The following ARHGAP10 variants were observed in gnomAD, a reference collection of about 807,000 sequenced individuals.
ARHGAP10 encodes the protein Rho GTPase activating protein 10.
A neutral mutation model predicts 108.6 loss-of-function variants in ARHGAP10; 87 were observed. The ratio of observed to expected loss-of-function variants is 0.80; its 90% CI spans 0.67 to 0.96. ARHGAP10 has a LOEUF of 0.96. ARHGAP10 is among the 40% of genes least tolerant of loss of function. ARHGAP10 has a pLI of 0.00. For missense variants in ARHGAP10, 939 were observed against 954.5 expected, an observed-to-expected ratio of 0.98 and a Z score of 0.21; for synonymous variants, 347 against 341.1, an observed-to-expected ratio of 1.02 and a Z score of -0.19.
chr4:148,043,653 T>TATATATATATATATA (rs1728741025), intron 19 of ARHGAP10, among the ~76,000 whole-genome samples: 2 of 58,372 alleles, frequency 3.4e-5, no homozygotes, highest in African/African-American at 5.3e-5. Context: ...ATATATATAT[T>TATATATATATATATA]TTAGGTGTAT....
intron 3 of ARHGAP10, among the ~76,000 whole-genome samples, chr4:147,835,865 C>T (rs151119279): frequency 6.6e-5 from 10 of 152,256 alleles, no homozygotes; most frequent in African/African-American, 2.4e-4. Context: ...TAATAATATT[C>T]TTCCCAAGTA....
intron 1 of ARHGAP10, among the ~76,000 whole-genome samples, chr4:147,817,652 A>G (rs572100444): frequency 1.3e-5 from 2 of 152,282 alleles, no homozygotes; most frequent in Middle Eastern, 3.4e-3. Context: ...TGTCTCTCCT[A>G]TTTGCCTGTG....
chr4:147,890,454 A>G (rs1306860217), intron 10 of ARHGAP10, among the ~76,000 whole-genome samples: 6 of 152,262 alleles, frequency 3.9e-5, no homozygotes, highest in Non-Finnish European at 8.8e-5. Context: ...ATAAAGAACC[A>G]TTGTAACTCA....
intron 18 of ARHGAP10, among the ~76,000 whole-genome samples, chr4:147,997,978 C>G (rs1740544569): frequency 6.6e-6 from 1 of 151,992 alleles, no homozygotes; most frequent in African/African-American, 2.4e-5. Context: ...ATTACAAAAA[C>G]AAGCATATCA....
chr4:147,907,549 G>A (rs1018385928), intron 11 of ARHGAP10, among the ~76,000 whole-genome samples: 6 of 152,218 alleles, frequency 3.9e-5, no homozygotes, highest in African/African-American at 1.4e-4. Context: ...ATCATGTAGA[G>A]CAGAAACAGG....
At chr4:147,912,568 TATATATATATATA>T (rs1366562290) in intron 12 of ARHGAP10, among the ~76,000 whole-genome samples, 2 of 104,320 alleles carry the variant, frequency 1.9e-5, no homozygotes, top group Non-Finnish European at 3.3e-5. Context: ...TATATATATA[TATATATATATATA>T]TATATATATA....
At chr4:148,035,127 T>A (rs1180136423) in intron 19 of ARHGAP10, among the ~76,000 whole-genome samples, 1 of 152,220 alleles carries the variant, frequency 6.6e-6, no homozygotes. Flanking sequence ...ATGGGGTCTT[T>A]ATTTTTTGTC....
At position 147,779,443 on chromosome 4, in the gene ARHGAP10, A is replaced by G. The variant is rs146989372; in HGVS notation, c.155-43284A>G. Among the ~76,000 whole-genome samples the G allele has an allele frequency of 1.8e-4, 28 of 152,182 alleles. No individual in the cohort carries two copies. The East Asian group carries it at 4.8e-3, about 26-fold the overall frequency. On this transcript the variant is annotated intron_variant, in intron 1 of 22. Coordinates refer to ENST00000336498, the MANE Select transcript of ARHGAP10 (RefSeq NM_024605.4). ...GAGAATATTATTGGCATCTCCTTTC[A>G]GTTAATTTGGTAGATGGGGAAGGGT...
intron 8 of ARHGAP10, among the ~76,000 whole-genome samples, chr4:147,876,848 A>G (rs1383098210): frequency 6.6e-6 from 1 of 152,156 alleles, no homozygotes; most frequent in Non-Finnish European, 1.5e-5. Context: ...CAGCCCTATG[A>G]AGTATAAGGT....
At chr4:147,827,751 G>T (rs113701023) in intron 3 of ARHGAP10, among the ~76,000 whole-genome samples, 1 of 152,124 alleles carries the variant, frequency 6.6e-6, no homozygotes, top group Non-Finnish European at 1.5e-5. Context: ...ACTGTAAAAT[G>T]GAGGTAGAAA....
chr4:147,779,626 G>A (rs959423440), intron 1 of ARHGAP10, among the ~76,000 whole-genome samples: 2 of 152,134 alleles, frequency 1.3e-5, no homozygotes, highest in African/African-American at 4.8e-5. Flanking sequence ...CCTTCAGTTT[G>A]GGAGTCTGGG....
At chr4:147,852,135 C>A (rs1345171169) in intron 4 of ARHGAP10, among the ~76,000 whole-genome samples, 1 of 152,204 alleles carries the variant, frequency 6.6e-6, no homozygotes, top group African/African-American at 2.4e-5. Context: ...TGCTCCCCAT[C>A]ACCTTGCCAA....
intron 10 of ARHGAP10, among the ~76,000 whole-genome samples, chr4:147,890,009 C>T (rs552400329): frequency 3.9e-4 from 60 of 152,304 alleles, no homozygotes; most frequent in African/African-American, 1.4e-3. Flanking sequence ...ACCTGAGGCA[C>T]GAGACAGCAT....
At chr4:148,028,704 T>G (rs1037821109) in intron 19 of ARHGAP10, among the ~76,000 whole-genome samples, 1 of 152,214 alleles carries the variant, frequency 6.6e-6, no homozygotes, top group African/African-American at 2.4e-5. Context: ...AATCTGCCAG[T>G]AGAAATCTGA....
At chr4:148,046,394 G>T (rs1044822546) in intron 19 of ARHGAP10, among the ~76,000 whole-genome samples, 1 of 152,200 alleles carries the variant, frequency 6.6e-6, no homozygotes, top group Non-Finnish European at 1.5e-5. Flanking sequence ...GGATTTTAAT[G>T]TTGGGGTATT....
At chr4:147,871,765 A>T (rs538736851) in intron 7 of ARHGAP10, among the ~76,000 whole-genome samples, 2 of 152,218 alleles carry the variant, frequency 1.3e-5, no homozygotes, top group Non-Finnish European at 2.9e-5. Context: ...TATTGATTTT[A>T]TGCAAAGTTT....
chr4:148,044,710 C>T (rs1012766369), intron 19 of ARHGAP10, among the ~76,000 whole-genome samples: 19 of 152,088 alleles, frequency 1.2e-4, no homozygotes, highest in African/African-American at 4.1e-4. Context: ...CAGCCCCTCG[C>T]GTCACTTGGG....
At chr4:147,802,702 A>G (rs931070152) in intron 1 of ARHGAP10, among the ~76,000 whole-genome samples, 29 of 152,240 alleles carry the variant, frequency 1.9e-4, no homozygotes, top group African/African-American at 7.0e-4. Context: ...TTGGGTCTCT[A>G]GGACCATGCA....
chr4:147,930,518 T>C (rs941178345), intron 13 of ARHGAP10, among the ~76,000 whole-genome samples: 2 of 152,232 alleles, frequency 1.3e-5, no homozygotes, highest in Non-Finnish European at 2.9e-5. Context: ...AGTTACTCTC[T>C]TTTAATTTTA....
Sources: allele counts gnomAD v4.1 joint callset (sites outside exome capture counted in the v4.1 genomes callset), GRCh38; gene constraint gnomAD v4.1.1; transcripts MANE v1.5; gene names NCBI Gene and HGNC (gene_info 2026-07-23, HGNC 2026-07-21).